The following AHCTF1 variants were observed in gnomAD, a reference collection of about 807,000 sequenced individuals.
The protein encoded by AHCTF1 is protein ELYS.
Under a neutral mutation model 248.4 loss-of-function variants are expected in AHCTF1, and 24 were observed. The ratio of observed to expected loss-of-function variants is 0.10; its 90% CI spans 0.07 to 0.14. AHCTF1 has a LOEUF of 0.14. AHCTF1 is among the 10% of genes least tolerant of loss of function. AHCTF1 has a pLI of 1.00. For missense variants in AHCTF1, 2,206 were observed against 2,636.2 expected, an observed-to-expected ratio of 0.84 and a Z score of 3.57; for synonymous variants, 786 against 929.8, an observed-to-expected ratio of 0.85 and a Z score of 2.81.
intron 26 of AHCTF1, among the ~76,000 whole-genome samples, chr1:246,866,576 CAG>C (rs1226341755): frequency 2.6e-5 from 4 of 152,010 alleles, no homozygotes; most frequent in Non-Finnish European, 4.4e-5. Context: ...ATCAAAAATT[CAG>C]AGTCTTGTAA....
chr1:246,897,537 T>C (rs1367356449), intron 12 of AHCTF1, among the ~76,000 whole-genome samples: 1 of 152,174 alleles, frequency 6.6e-6, no homozygotes, highest in East Asian at 1.9e-4. Context: ...TACACAAACT[T>C]AGATGGTGTA....
intron 12 of AHCTF1, among the ~76,000 whole-genome samples, chr1:246,897,445 G>A (rs1418308085): frequency 1.3e-5 from 2 of 152,220 alleles, no homozygotes; most frequent in Non-Finnish European, 2.9e-5. Context: ...ATATAGCCAT[G>A]TGTTGCTTAA....
rs549857001 is a variant in AHCTF1, at chr1:246,842,898, T to C, written c.6526-122A>G. ...GAATTCAAACTCGCCAAATGCAAAATTGACTCCTTTTCTCATACCTTTTAG... is the reference window on the plus strand; with the variant it reads ...GAATTCAAACTCGCCAAATGCAAAACTGACTCCTTTTCTCATACCTTTTAG... On this transcript the variant is annotated intron_variant, in intron 34 of 35. Transcript: ENST00000648844. The C allele has an allele frequency of 1.4e-5, 11 of 770,140 alleles. No individual in the cohort carries two copies. In the South Asian group the frequency reaches 1.5e-4, roughly 10 times the overall value. 47.7% of individuals were successfully genotyped at this position (770,140 alleles called of 1,614,324 possible).
intron 35 of AHCTF1, among the ~76,000 whole-genome samples, chr1:246,842,290 T>A (rs1457673796): frequency 6.6e-6 from 1 of 151,936 alleles, no homozygotes; most frequent in African/African-American, 2.4e-5. Flanking sequence ...GGATAAAAAT[T>A]ACAGAACAAG....
At chr1:246,889,703 C>T (rs1231855803) in intron 17 of AHCTF1, among the ~76,000 whole-genome samples, 1 of 152,148 alleles carries the variant, frequency 6.6e-6, no homozygotes, top group Non-Finnish European at 1.5e-5. Flanking sequence ...CACTGCAACT[C>T]GAGGAAGACG....
In AHCTF1 at chr1:246,851,403, C is replaced by T; in HGVS notation, c.4603G>A (p.Glu1535Lys). Residue 1535 changes from glutamate to lysine, a missense_variant, in exon 33 of 36, where the codon GAA becomes AAA. Physicochemically the swap from Glu to Lys is moderately conservative, Grantham distance 56. Transcript: ENST00000648844. ...QEKLEAQDSGEEARNLSFNEL... is the reference protein window; with the variant it reads ...QEKLEAQDSGKEARNLSFNEL... ...TTAAATGAAAGATTCCTAGCCTCTT[C>T]TCCTGAATCTTGAGCTTCAAGCTTT... The T allele has an allele frequency of 6.2e-7, 1 of 1,612,162 alleles. No homozygotes were observed. The highest frequency in any genetic ancestry group is 8.5e-7 in the Non-Finnish European group (1 of 1,178,914).
At chr1:246,853,412 C>T (rs953755760) in intron 31 of AHCTF1, 113 bp from the exon 32 acceptor site, 12 of 770,274 alleles carry the variant, frequency 1.6e-5, no homozygotes, top group Non-Finnish European at 2.2e-5. Context: ...TATTAATAAA[C>T]TATCACAATG....
In AHCTF1 at chr1:246,850,799, G is replaced by A; in HGVS notation, c.5207C>T (p.Ser1736Phe). The A allele has an allele frequency of 5.6e-6, 9 of 1,613,792 alleles. No individual in the cohort carries two copies. Among genetic ancestry groups the A allele is most frequent in the South Asian group, 2.2e-5 (2 of 91,068 alleles). Residue 1736 changes from serine (S) to phenylalanine (F), a missense_variant, in exon 33 of 36, where the codon TCC becomes TTC. By Grantham distance (155) the Ser-to-Phe change is radical. Around this residue, in one of 6 missense-constraint regions of AHCTF1, gnomAD observed 955 missense variants for 1,055.6 expected, o/e 0.90. Transcript: ENST00000648844. ...MNVSQVDDVV[S>F]SKTRTRGQRI... is the part of the protein sequence containing the mutation. ...TTGACCTCTCGTACGAGTTTTGGAGGAAACCACGTCATCAACCTGGCTGAC... is the reference window on the plus strand; with the variant it reads ...TTGACCTCTCGTACGAGTTTTGGAGAAAACCACGTCATCAACCTGGCTGAC...
At chr1:246,854,975 A>G (rs1320530253) in intron 31 of AHCTF1, among the ~76,000 whole-genome samples, 1 of 146,648 alleles carries the variant, frequency 6.8e-6, no homozygotes, top group Admixed American at 6.9e-5. Context: ...TACATGTTAG[A>G]CAATTCTCTC....
chr1:246,899,940 A>T (rs1258474221), intron 10 of AHCTF1, 125 bp downstream of exon 10: 3 of 918,754 alleles, frequency 3.3e-6, no homozygotes, highest in Admixed American at 5.5e-5. Context: ...TTCCTAAGTT[A>T]TCCATATGTT....
chr1:246,904,091 C>G (rs1311008836), intron 6 of AHCTF1, 58 bp from the exon 7 acceptor site: 1 of 1,433,968 alleles, frequency 7.0e-7, no homozygotes, highest in Non-Finnish European at 9.8e-7. Context: ...ACATCTCTTA[C>G]TGTCCAAGTA....
rs759150696 is a variant in AHCTF1, at chr1:246,888,546, T to G, written c.2145-29A>C. 3.7e-6 allele frequency: 6 copies of G among 1,610,588 alleles called. No individual in the cohort carries two copies. The Admixed American group carries it at 5.0e-5, about 14-fold the overall frequency. On this transcript the variant is annotated intron_variant, in intron 17 of 35. Transcript: ENST00000648844. ...CAATCAGGGAAAAATTAAGACTTAT[T>G]TAATATCACTGTTAATTAATATCAA...
At chr1:246,872,809 A>AG (rs1264529185) in intron 24 of AHCTF1, among the ~76,000 whole-genome samples, 1 of 152,202 alleles carries the variant, frequency 6.6e-6, no homozygotes, top group Non-Finnish European at 1.5e-5. Flanking sequence ...CGAGACCAAG[A>AG]GGGCAGTAAA....
At chr1:246,844,901 G>A (rs1259980134) in intron 33 of AHCTF1, among the ~76,000 whole-genome samples, 1 of 151,336 alleles carries the variant, frequency 6.6e-6, no homozygotes, top group African/African-American at 2.4e-5. Flanking sequence ...GTCTGCCGGA[G>A]TAAATCCCAG....
At chr1:246,885,719 C>T in intron 20 of AHCTF1, 39 bp from the exon 21 acceptor site, 2 of 1,535,622 alleles carry the variant, frequency 1.3e-6, no homozygotes, top group Non-Finnish European at 1.8e-6. Flanking sequence ...TAAATATAAT[C>T]CTATACATTT....
At position 246,888,381 on chromosome 1, in the gene AHCTF1, A is replaced by G. The variant is rs766057157; in HGVS notation, c.2268+13T>C. ...TGTAGACTCTAAATGATAGCACATT[A>G]CTGCAAACCTACATGCAGACTAGCA... On this transcript the variant is annotated intron_variant, in intron 18 of 35. Transcript: ENST00000648844. The G allele has an allele frequency of 6.2e-7, 1 of 1,612,818 alleles. No homozygotes were observed. Among genetic ancestry groups the G allele is most frequent in the South Asian group, 1.1e-5 (1 of 91,022 alleles).
chr1:246,910,977 A>G (rs1053499483), intron 4 of AHCTF1, among the ~76,000 whole-genome samples: 10 of 152,334 alleles, frequency 6.6e-5, no homozygotes, highest in Middle Eastern at 3.4e-3. Flanking sequence ...ATTTCAGTGA[A>G]GCCTAAACAG....
At chr1:246,891,660 G>A in intron 15 of AHCTF1, 119 bp downstream of exon 15, 1 of 1,076,628 alleles carries the variant, frequency 9.3e-7, no homozygotes. Context: ...CCCTAGCACT[G>A]GAGAAATAAA....
chr1:246,877,502 A>T (rs531610625), intron 21 of AHCTF1, among the ~76,000 whole-genome samples, 200 bp from the exon 22 acceptor site: 1 of 152,328 alleles, frequency 6.6e-6, no homozygotes, highest in South Asian at 2.1e-4. Flanking sequence ...CGTTTAAAGA[A>T]TTTTATGCTG....
Sources: allele counts gnomAD v4.1 joint callset (sites outside exome capture counted in the v4.1 genomes callset), GRCh38; gene constraint gnomAD v4.1.1; regional missense constraint gnomAD v4.1.1; transcripts MANE v1.5; gene names NCBI Gene and HGNC (gene_info 2026-07-23, HGNC 2026-07-21).